SNX30: variants seen among roughly 807,000 people sequenced by gnomAD.
SNX30 encodes the protein sorting nexin family member 30.
A neutral mutation model predicts 46.4 loss-of-function variants in SNX30; 24 were observed. The ratio of observed to expected loss-of-function variants is 0.52; its 90% CI spans 0.37 to 0.73. The LOEUF is 0.73. Among genes scored for constraint, SNX30 ranks in the 30% least tolerant of loss-of-function variants. SNX30 has a pLI of 0.00. For synonymous variants in SNX30, 189 were observed against 211.5 expected (o/e 0.89, Z 0.92); for missense variants, 533 against 555.7 (o/e 0.96, Z 0.41).
At chr9:112,773,256 T>G (rs568674078) in intron 1 of SNX30, among the ~76,000 whole-genome samples, 28 of 152,334 alleles carry the variant, frequency 1.8e-4, no homozygotes, top group African/African-American at 6.3e-4. Context: ...ATGGGGTTAA[T>G]AATAGTACCT....
chr9:112,857,676 C>CA (rs1841156180), intron 7 of SNX30, among the ~76,000 whole-genome samples: 1 of 152,150 alleles, frequency 6.6e-6, no homozygotes, highest in Admixed American at 6.5e-5. Context: ...ATCTCCAACC[C>CA]AGCTCCAAGA....
intron 1 of SNX30, among the ~76,000 whole-genome samples, chr9:112,784,543 AC>A (rs768076967): frequency 2.7e-4 from 41 of 151,542 alleles, no homozygotes; most frequent in Non-Finnish European, 5.3e-4. Context: ...TCTGCACTTC[AC>A]CCCTTGGCGA....
Position 112,751,060 on chromosome 9 carries a change from T to C in SNX30, c.59T>C (p.Met20Thr), listed in dbSNP as rs750397618. 2.0e-6 allele frequency: 3 copies of C among 1,495,748 alleles called. No individual in the cohort carries two copies. In the African/African-American group the frequency reaches 4.3e-5, roughly 22 times the overall value. 92.7% of individuals were successfully genotyped at this position (1,495,748 alleles called of 1,614,324 possible). ...PSTGPHSLRD[M>T]PHPLAGSSSE... Reference sequence around the variant, plus strand: ...ACGGGGCCCCACTCCCTGCGCGACATGCCGCACCCGCTGGCCGGCTCCAGC... The same window carrying C: ...ACGGGGCCCCACTCCCTGCGCGACACGCCGCACCCGCTGGCCGGCTCCAGC... Residue 20 changes from methionine (M) to threonine (T), a missense_variant, in exon 1 of 9, where the codon ATG becomes ACG. This residue lies in a region of SNX30 where 191 missense variants were observed against 160.3 expected (regional missense o/e 1.19). Transcript: ENST00000374232.
intron 8 of SNX30, among the ~76,000 whole-genome samples, chr9:112,867,218 CCCT>C (rs1187420318): frequency 6.8e-6 from 1 of 148,114 alleles, no homozygotes; most frequent in Non-Finnish European, 1.5e-5. Context: ...GATTCCTCCT[CCCT>C]CCTCAGAACT....
chr9:112,836,323 C>T lies in SNX30; in HGVS notation c.728C>T (p.Ala243Val). 6.2e-7 allele frequency: 1 copy of T among 1,613,444 alleles called. No homozygotes were observed. The highest frequency in any genetic ancestry group is 8.5e-7 in the Non-Finnish European group (1 of 1,179,364). Reference protein sequence around the residue: ...YKLRTRPLEFAAIGDYLDTFA... With the variant: ...YKLRTRPLEFVAIGDYLDTFA... ...CTGAGGACTCGGCCGCTTGAGTTTGCTGCCATAGGTGACTACTTAGATACA... is the reference window on the plus strand; with the variant it reads ...CTGAGGACTCGGCCGCTTGAGTTTGTTGCCATAGGTGACTACTTAGATACA... The change falls in exon 5 of 9, where the codon GCT (alanine) becomes GTT (valine). Residue 243 changes from alanine (A) to valine (V), a missense_variant. Transcript: ENST00000374232.
At chr9:112,777,774 G>A (rs79559835) in intron 1 of SNX30, among the ~76,000 whole-genome samples, 4,766 of 151,906 alleles carry the variant, frequency 0.031, 246 homozygotes, top group African/African-American at 0.1. Flanking sequence ...AGTATTAACA[G>A]CAACAGCTTT....
downstream of SNX30, chr9:112,878,928 A>G (rs1841545938): frequency 6.6e-6 from 1 of 152,204 alleles, no homozygotes; most frequent in African/African-American, 2.4e-5. Context: ...CATACAATGA[A>G]TGTTGATTTT....
At chr9:112,829,857 T>C (rs752167617) in intron 3 of SNX30, among the ~76,000 whole-genome samples, 2 of 152,236 alleles carry the variant, frequency 1.3e-5, no homozygotes, top group Non-Finnish European at 2.9e-5. Flanking sequence ...GTTAAGCATC[T>C]TTTCATGTGC....
intron 2 of SNX30, among the ~76,000 whole-genome samples, chr9:112,817,401 C>CTTTTTTGTTTTTTTTTTTT (rs1840414683): frequency 2.1e-5 from 1 of 46,832 alleles, no homozygotes; most frequent in East Asian, 1.3e-3. Flanking sequence ...AAAAAACTGG[C>CTTTTTTGTTTTTTTTTTTT]TTTTTTTTTT....
intron 8 of SNX30, among the ~76,000 whole-genome samples, chr9:112,865,639 A>G (rs1564297110): frequency 6.9e-5 from 8 of 116,598 alleles, no homozygotes; most frequent in East Asian, 2.5e-4. Context: ...ATATATATAT[A>G]TATATATATA....
intron 7 of SNX30, among the ~76,000 whole-genome samples, chr9:112,857,213 A>C (rs1010357059): frequency 1.3e-5 from 2 of 151,304 alleles, no homozygotes; most frequent in African/African-American, 4.9e-5. Context: ...TCATGCCCTC[A>C]CCTCTCCCTC....
chr9:112,807,941 G>C (rs983272788), intron 2 of SNX30, among the ~76,000 whole-genome samples: 61 of 152,336 alleles, frequency 4.0e-4, no homozygotes, highest in African/African-American at 1.3e-3. Context: ...TCACTTGGCT[G>C]TGATGCCAGC....
intron 1 of SNX30, among the ~76,000 whole-genome samples, chr9:112,795,043 A>T (rs1840086099): frequency 6.6e-6 from 1 of 152,224 alleles, no homozygotes; most frequent in Non-Finnish European, 1.5e-5. Context: ...TCATTAAGAA[A>T]ATATATTTGA....
intron 7 of SNX30, among the ~76,000 whole-genome samples, chr9:112,858,055 C>T (rs910841445): frequency 4.6e-5 from 7 of 152,168 alleles, no homozygotes; most frequent in Admixed American, 1.3e-4. Flanking sequence ...TTTGTCACCT[C>T]TGTATAAATT....
In SNX30 at chr9:112,855,488, A is replaced by G. The variant is rs147636722; in HGVS notation, c.1101+4543A>G. On this transcript the variant is annotated intron_variant, in intron 7 of 8. Transcript: ENST00000374232. ...GATTTTTGTGGAGTCATGGAGTGGCATCAAAATCTGATCACTTTTTTGTAA... is the reference window on the plus strand; with the variant it reads ...GATTTTTGTGGAGTCATGGAGTGGCGTCAAAATCTGATCACTTTTTTGTAA... Among the ~76,000 whole-genome samples the G allele has an allele frequency of 4.6e-5, 7 of 152,316 alleles. No homozygotes were observed. The East Asian group carries it at 1.4e-3, about 29-fold the overall frequency.
chr9:112,824,440 G>A (rs982668392), intron 3 of SNX30, among the ~76,000 whole-genome samples: 2 of 151,750 alleles, frequency 1.3e-5, no homozygotes, highest in Non-Finnish European at 2.9e-5. Context: ...GATGAGTCCC[G>A]TTGAAACTCC....
chr9:112,796,568 C>T (rs1215590553), intron 1 of SNX30, among the ~76,000 whole-genome samples: 1 of 152,068 alleles, frequency 6.6e-6, no homozygotes, highest in Non-Finnish European at 1.5e-5. Flanking sequence ...GTCCATCTGC[C>T]CTGTAGTCAG....
intron 1 of SNX30, among the ~76,000 whole-genome samples, chr9:112,784,307 A>C (rs1426204967): frequency 6.6e-6 from 1 of 152,006 alleles, no homozygotes; most frequent in Non-Finnish European, 1.5e-5. Flanking sequence ...TTTTTTCTGC[A>C]TGCTTTTTTC....
chr9:112,836,460 A>T, intron 5 of SNX30, 51 bp downstream of exon 5: 1 of 1,542,364 alleles, frequency 6.5e-7, no homozygotes, highest in Middle Eastern at 1.7e-4. Flanking sequence ...CATTGGCAGA[A>T]ATGCCATTCA....
Sources: gnomAD v4.1 joint callset for allele counts (sites outside exome capture counted in the v4.1 genomes callset) on GRCh38, gnomAD v4.1.1 for gene constraint, gnomAD v4.1.1 regional missense constraint, MANE v1.5 for transcripts, NCBI Gene and HGNC (gene_info 2026-07-23, HGNC 2026-07-21) for gene names.